MYO5B: variants seen among roughly 807,000 people sequenced by gnomAD.
MYO5B encodes myosin VB.
In MYO5B, 143 loss-of-function variants were observed where a neutral mutation model predicts 229.3. The observed-to-expected ratio is 0.62, with a 90% CI of 0.54 to 0.72. MYO5B has a LOEUF of 0.72. Ranked by LOEUF, MYO5B falls within the 30% of genes least tolerant of loss-of-function variation. The pLI, the probability that MYO5B is intolerant of heterozygous loss-of-function variation, is 0.00. For missense variants in MYO5B, 2,321 were observed against 2,331.0 expected (o/e 1.00, Z 0.09); for synonymous variants, 918 against 885.2 (o/e 1.04, Z -0.66).
chr18:49,978,979 G>A (rs1027132820), intron 9 of MYO5B, among the ~76,000 whole-genome samples: 45 of 152,244 alleles, frequency 3.0e-4, no homozygotes, highest in African/African-American at 1.0e-3. Flanking sequence ...ACAGGACATT[G>A]ACTGAGCTGT....
intron 18 of MYO5B, among the ~76,000 whole-genome samples, chr18:49,910,238 G>C (rs2024942958): frequency 1.3e-5 from 2 of 152,198 alleles, no homozygotes; most frequent in South Asian, 4.1e-4. Flanking sequence ...AGCCCAGTGT[G>C]GGGGCCGACT....
chr18:50,079,150 A>G (rs937284284), intron 1 of MYO5B, among the ~76,000 whole-genome samples: 21 of 152,334 alleles, frequency 1.4e-4, no homozygotes, highest in African/African-American at 5.1e-4. Context: ...TTCTAGTTAC[A>G]TCGGTGGGTT....
At chr18:49,832,426 A>G (rs2023934061) in intron 39 of MYO5B, among the ~76,000 whole-genome samples, 1 of 152,256 alleles carries the variant, frequency 6.6e-6, no homozygotes, top group Non-Finnish European at 1.5e-5. Flanking sequence ...ACTTTTACAA[A>G]AGTCAATAGG....
chr18:50,056,488 T>A (rs2030552882), intron 1 of MYO5B, among the ~76,000 whole-genome samples: 1 of 152,188 alleles, frequency 6.6e-6, no homozygotes, highest in Admixed American at 6.5e-5. Flanking sequence ...ACAGGGCCTA[T>A]TTTCTGTAGA....
chr18:49,990,463 G>A lies in MYO5B; in HGVS notation c.814C>T (p.Pro272Ser), dbSNP rs775193741. 3.7e-6 allele frequency: 6 copies of A among 1,613,794 alleles called. No homozygotes were observed. The highest frequency in any genetic ancestry group is 5.1e-6 in the Non-Finnish European group (6 of 1,179,856). The change falls in exon 7 of 40, where the codon CCA (proline) becomes TCA (serine). Residue 272 changes from proline to serine, a missense_variant. By Grantham distance (74) the Pro-to-Ser change is moderately conservative (BLOSUM62 -1). Around this residue, in one of 2 missense-constraint regions of MYO5B, gnomAD observed 2,113 missense variants for 2,044.7 expected, o/e 1.03. Transcript: ENST00000285039. ...CTTAGTGCAAGCTCTTTAAATTCTG[G>A]AAGACCGGCAGCAGCACAGAGCTGG... is the stretch of plus-strand genomic sequence containing the variant. Reference protein sequence around the residue: ...FYQLCAAAGLPEFKELALTSA... With the variant: ...FYQLCAAAGLSEFKELALTSA...
At chr18:50,096,812 C>G (rs2031560256) in intron 1 of MYO5B, among the ~76,000 whole-genome samples, 1 of 152,224 alleles carries the variant, frequency 6.6e-6, no homozygotes, top group African/African-American at 2.4e-5. Context: ...TCCCCAGTGT[C>G]TTCCTGCTGG....
chr18:50,158,248 C>T (rs1568128112), intron 1 of MYO5B, among the ~76,000 whole-genome samples: 1 of 152,128 alleles, frequency 6.6e-6, no homozygotes, highest in African/African-American at 2.4e-5. Flanking sequence ...CACAGATACT[C>T]AAGTAATTAT....
chr18:49,943,314 T>C (rs996091459), intron 14 of MYO5B, among the ~76,000 whole-genome samples: 1 of 151,730 alleles, frequency 6.6e-6, no homozygotes, highest in African/African-American at 2.4e-5. Context: ...CATGTATACA[T>C]ATGTAACAAA....
At chr18:49,977,566 C>T (rs961850994) in intron 9 of MYO5B, among the ~76,000 whole-genome samples, 2 of 152,040 alleles carry the variant, frequency 1.3e-5, no homozygotes, top group African/African-American at 4.8e-5. Context: ...ACCAATGGGG[C>T]TCACCAGGCA....
chr18:49,913,847 C>T lies in MYO5B; in HGVS notation c.2091-1674G>A, dbSNP rs191107699. Among the ~76,000 whole-genome samples, 28 of 152,004 alleles carry T rather than the reference C, an allele frequency of 1.8e-4. No individual in the cohort carries two copies. In the East Asian group the frequency reaches 3.5e-3, roughly 19 times the overall value. The stretch of plus-strand genomic sequence containing the variant: ...CAAGCAGATCAGTGGCAGAACAGCA[C>T]GACAGAAAGAGAGAAGAGAAAGAGC... On this transcript the variant is annotated intron_variant, in intron 17 of 39. Transcript: ENST00000285039.
chr18:49,892,009 T>G (rs981607741), intron 22 of MYO5B, among the ~76,000 whole-genome samples: 10 of 152,252 alleles, frequency 6.6e-5, no homozygotes, highest in African/African-American at 2.4e-4. Flanking sequence ...AAGTAAGCCT[T>G]GCTCTGGTCC....
chr18:50,136,081 T>C (rs1422184561), intron 1 of MYO5B, among the ~76,000 whole-genome samples: 2 of 152,210 alleles, frequency 1.3e-5, no homozygotes, highest in Non-Finnish European at 2.9e-5. Flanking sequence ...TCTTCCACGG[T>C]ATCACACGTC....
At chr18:49,936,920 T>C (rs1035916669) in intron 15 of MYO5B, among the ~76,000 whole-genome samples, 3 of 152,094 alleles carry the variant, frequency 2.0e-5, no homozygotes, top group African/African-American at 7.2e-5. Context: ...ACAGCTTCCT[T>C]AAGCCTCCTC....
At chr18:49,941,664 A>C (rs955582909) in intron 14 of MYO5B, among the ~76,000 whole-genome samples, 7 of 151,930 alleles carry the variant, frequency 4.6e-5, no homozygotes, top group African/African-American at 1.2e-4. Flanking sequence ...TTTGAAATAA[A>C]TTTTCCTCCC....
At chr18:50,112,573 T>A (rs2031885454) in intron 1 of MYO5B, among the ~76,000 whole-genome samples, 2 of 152,302 alleles carry the variant, frequency 1.3e-5, no homozygotes, top group South Asian at 4.1e-4. Context: ...TGCATGACAC[T>A]TGAGACTGGT....
At chr18:50,138,085 A>C (rs1412219032) in intron 1 of MYO5B, among the ~76,000 whole-genome samples, 2 of 152,186 alleles carry the variant, frequency 1.3e-5, no homozygotes, top group African/African-American at 2.4e-5. Context: ...CTGTGACACA[A>C]GTTTACCTTC....
intron 4 of MYO5B, among the ~76,000 whole-genome samples, chr18:50,005,130 G>A (rs1249269375): frequency 3.9e-5 from 6 of 152,248 alleles, no homozygotes; most frequent in East Asian, 1.9e-4. Flanking sequence ...AGTCCTAATC[G>A]TATTTTTCCC....
In MYO5B at chr18:50,105,248, TA is replaced by T. The variant is rs142685025; in HGVS notation, c.28-49871del. On this transcript the variant is annotated intron_variant, in intron 1 of 39. Coordinates refer to ENST00000285039, the MANE Select transcript of MYO5B (RefSeq NM_001080467.3). The stretch of plus-strand genomic sequence containing the variant: ...ATAAATAAATAAATAAATAAATAAA[TA>T]AAAAATAGATAAAATAGCTGCTGAT... Among the ~76,000 whole-genome samples, 456 of 131,642 alleles carry T rather than the reference TA, an allele frequency of 3.5e-3. 3 individuals are homozygous for T. Among genetic ancestry groups the T allele is most frequent in the African/African-American group, 6.7e-3 (233 of 34,930 alleles). The allele number at this position is 131,642 out of a possible 152,430, so 86.4% of individuals were successfully genotyped here. A position where few individuals can be genotyped will look rare whatever the true frequency, so the allele number is the denominator to read the frequency against.
In MYO5B at chr18:49,967,616, T is replaced by C. The variant is rs577888269; in HGVS notation, c.1323-4586A>G. 1.2e-4 allele frequency among the ~76,000 whole-genome samples: 18 copies of C among 152,314 alleles called. No individual in the cohort carries two copies. The South Asian group carries it at 3.5e-3, about 30-fold the overall frequency. On this transcript the variant is annotated intron_variant, in intron 10 of 39. Transcript: ENST00000285039. Reference sequence around the variant, plus strand: ...AAATATAACATGGAGAAATTCTCCCTGGAGAAGCCTTTAAAAGCAGGGCCA... The same window carrying C: ...AAATATAACATGGAGAAATTCTCCCCGGAGAAGCCTTTAAAAGCAGGGCCA...
Sources: allele counts gnomAD v4.1 joint callset (sites outside exome capture counted in the v4.1 genomes callset), GRCh38; gene constraint gnomAD v4.1.1; regional missense constraint gnomAD v4.1.1; transcripts MANE v1.5; gene names NCBI Gene and HGNC (gene_info 2026-07-23, HGNC 2026-07-21).